The following KLHL1 variants were observed in gnomAD, a reference collection of about 807,000 sequenced individuals.
KLHL1 encodes the protein kelch-like protein 1.
Under a neutral mutation model 77.7 loss-of-function variants are expected in KLHL1, and 47 were observed. The ratio of observed to expected loss-of-function variants is 0.60; its 90% CI spans 0.48 to 0.77. The LOEUF (loss-of-function observed/expected upper bound fraction) is 0.77. Among genes scored for constraint, KLHL1 ranks in the 30% least tolerant of loss-of-function variants. The pLI, the probability that KLHL1 is intolerant of heterozygous loss-of-function variation, is 0.00. For missense variants in KLHL1, 925 were observed against 910.8 expected, an observed-to-expected ratio of 1.02 and a Z score of -0.20; for synonymous variants, 360 against 325.2, an observed-to-expected ratio of 1.11 and a Z score of -1.15.
intron 6 of KLHL1, among the ~76,000 whole-genome samples, chr13:69,809,373 T>C (rs1181718702): frequency 2.0e-5 from 3 of 152,130 alleles, no homozygotes; most frequent in African/African-American, 4.8e-5. Context: ...GCAGGAATCT[T>C]ACAAGCCAAA....
At chr13:69,738,322 A>G (rs1183730365) in intron 8 of KLHL1, among the ~76,000 whole-genome samples, 4 of 152,150 alleles carry the variant, frequency 2.6e-5, no homozygotes, top group Non-Finnish European at 5.9e-5. Flanking sequence ...AAAACTCAAA[A>G]AGCCAGAGTG....
At chr13:69,862,913 C>G (rs576183383) in intron 5 of KLHL1, among the ~76,000 whole-genome samples, 1 of 152,026 alleles carries the variant, frequency 6.6e-6, no homozygotes. Context: ...ATGTTTAAGC[C>G]ACCCAGTCTA....
At chr13:70,027,280 A>G (rs2137360536) in intron 1 of KLHL1, among the ~76,000 whole-genome samples, 1 of 152,286 alleles carries the variant, frequency 6.6e-6, no homozygotes, top group Middle Eastern at 3.4e-3. Context: ...AGATAGACAA[A>G]GTAAGAAGCC....
chr13:70,091,467 C>A (rs1887671871), intron 1 of KLHL1, among the ~76,000 whole-genome samples: 1 of 152,166 alleles, frequency 6.6e-6, no homozygotes, highest in East Asian at 1.9e-4. Flanking sequence ...CTGGGACCGG[C>A]CATCTCCTAC....
At chr13:69,934,533 C>A (rs1349825709) in intron 4 of KLHL1, among the ~76,000 whole-genome samples, 2 of 151,840 alleles carry the variant, frequency 1.3e-5, no homozygotes, top group African/African-American at 4.8e-5. Context: ...TCTTGCCTTC[C>A]TTTTATGTCA....
rs1881441368 is a variant in KLHL1 at position 69,892,051 on chromosome 13, T to C, written c.1015-9556A>G. Among the ~76,000 whole-genome samples, 4 of 152,248 alleles carry C rather than the reference T, an allele frequency of 2.6e-5. No homozygotes were observed. The South Asian group carries it at 8.3e-4, about 32-fold the overall frequency. ...ATTAGAGTAGTAGTATTTATTTTTA[T>C]AATTAGTAATATTAGGTACATTAAC... On this transcript the variant is annotated intron_variant, in intron 4 of 10. Transcript: ENST00000377844.
At chr13:69,911,140 CTCTT>C (rs1048305906) in intron 4 of KLHL1, among the ~76,000 whole-genome samples, 6 of 152,032 alleles carry the variant, frequency 3.9e-5, no homozygotes, top group Non-Finnish European at 7.4e-5. Flanking sequence ...CTCCCTCTTT[CTCTT>C]TAATTCTTAT....
intron 1 of KLHL1, among the ~76,000 whole-genome samples, chr13:70,051,672 T>C (rs1043348752): frequency 6.6e-6 from 1 of 152,032 alleles, no homozygotes; most frequent in African/African-American, 2.4e-5. Context: ...GGGCACATGA[T>C]AAAGCAGCTG....
chr13:69,866,866 G>A (rs1880383551), intron 5 of KLHL1, among the ~76,000 whole-genome samples: 2 of 151,974 alleles, frequency 1.3e-5, no homozygotes, highest in Non-Finnish European at 1.5e-5. Context: ...ATGTTTTGTT[G>A]TTGTTTTTGT....
intron 1 of KLHL1, among the ~76,000 whole-genome samples, chr13:70,078,038 C>T (rs961944735): frequency 3.3e-5 from 5 of 151,946 alleles, no homozygotes; most frequent in Admixed American, 3.3e-4. Context: ...TCTACAGGTG[C>T]CTCTCTAAAT....
At chr13:69,743,468 T>C (rs999661350) in intron 7 of KLHL1, among the ~76,000 whole-genome samples, 6 of 152,090 alleles carry the variant, frequency 3.9e-5, no homozygotes, top group African/African-American at 1.4e-4. Flanking sequence ...ACTAATAGAA[T>C]GTATAGGGGT....
chr13:69,835,621 A>G (rs1158649836), intron 6 of KLHL1, among the ~76,000 whole-genome samples: 2 of 152,102 alleles, frequency 1.3e-5, no homozygotes, highest in Non-Finnish European at 2.9e-5. Flanking sequence ...GCATCTGCAA[A>G]ATGTAGGCCC....
chr13:69,724,733 A>G (rs1873220955), intron 8 of KLHL1, among the ~76,000 whole-genome samples: 1 of 152,162 alleles, frequency 6.6e-6, no homozygotes, highest in African/African-American at 2.4e-5. Context: ...TGAATAAAGG[A>G]TAAAAATCAC....
chr13:69,855,435 G>T (rs1876260451), intron 5 of KLHL1, among the ~76,000 whole-genome samples: 1 of 151,878 alleles, frequency 6.6e-6, no homozygotes, highest in Admixed American at 6.6e-5. Flanking sequence ...CAGAGATAGA[G>T]ATATGATATG....
chr13:70,107,939 C>A lies in KLHL1; in HGVS notation c.-240G>T. 1 of 473,460 alleles carries A rather than the reference C, an allele frequency of 2.1e-6. No individual in the cohort carries two copies. 29.3% of individuals were successfully genotyped at this position (473,460 alleles called of 1,614,324 possible). A position where few individuals can be genotyped will look rare whatever the true frequency, so the allele number is the denominator to read the frequency against. ...CAGGACCTGGGCGTGGGGACACCACCAGGCAGGAGCAGAGGCAGGACTGGG... is the reference window on the plus strand; with the variant it reads ...CAGGACCTGGGCGTGGGGACACCACAAGGCAGGAGCAGAGGCAGGACTGGG... On this transcript the variant is annotated 5_prime_UTR_variant, in exon 1 of 11. Coordinates refer to ENST00000377844, the MANE Select transcript of KLHL1 (RefSeq NM_020866.3).
intron 5 of KLHL1, among the ~76,000 whole-genome samples, chr13:69,847,472 A>C (rs7316942): frequency 6.6e-6 from 1 of 150,980 alleles, no homozygotes; most frequent in African/African-American, 2.4e-5. Context: ...AAGCGCAGCA[A>C]TCACATCTAT....
At chr13:70,048,379 G>C (rs1886549963) in intron 1 of KLHL1, among the ~76,000 whole-genome samples, 1 of 152,092 alleles carries the variant, frequency 6.6e-6, no homozygotes, top group African/African-American at 2.4e-5. Context: ...AACTATATTT[G>C]AATGATGAGA....
intron 6 of KLHL1, among the ~76,000 whole-genome samples, chr13:69,805,257 G>T (rs923114600): frequency 7.9e-5 from 12 of 151,902 alleles, no homozygotes; most frequent in Admixed American, 3.3e-4. Flanking sequence ...GCTATGTATA[G>T]ACATATACAT....
At chr13:69,733,243 A>G (rs1176455046) in intron 8 of KLHL1, among the ~76,000 whole-genome samples, 1 of 152,016 alleles carries the variant, frequency 6.6e-6, no homozygotes, top group African/African-American at 2.4e-5. Context: ...AAAAAAAATC[A>G]CTGAACTTAC....
Sources: gnomAD v4.1 joint callset for allele counts (sites outside exome capture counted in the v4.1 genomes callset) on GRCh38, gnomAD v4.1.1 for gene constraint, MANE v1.5 for transcripts, NCBI Gene and HGNC (gene_info 2026-07-23, HGNC 2026-07-21) for gene names.